NCDN: variants seen among roughly 807,000 people sequenced by gnomAD.
NCDN encodes the protein norbin.
In NCDN, 9 loss-of-function variants were observed where a neutral mutation model predicts 60.7. The observed-to-expected ratio is 0.15, with a 90% confidence interval of 0.09 to 0.26. The LOEUF (loss-of-function observed/expected upper bound fraction) is 0.26, where lower values mean the gene tolerates loss of function less well. NCDN is among the 10% of genes least tolerant of loss of function. NCDN has a pLI of 1.00. For synonymous variants in NCDN, 409 were observed against 442.5 expected, an observed-to-expected ratio of 0.92 and a Z score of 0.95; for missense variants, 578 against 975.2, an observed-to-expected ratio of 0.59 and a Z score of 5.42.
In NCDN at chr1:35,561,097, G is replaced by T; in HGVS notation, c.946G>T (p.Val316Leu). The stretch of plus-strand genomic sequence containing the variant: ...GGCCCTGCTGGTGAATCTGGCGTGC[G>T]TGGAAGTGCGGCTGGCACTGGAGGA... ...FLALLVNLAC[V>L]EVRLALEETG... Residue 316 changes from valine (V) to leucine (L), a missense_variant, in exon 3 of 7, where the codon GTG (valine) becomes TTG (leucine). Physicochemically the swap from Val to Leu is conservative, Grantham distance 32 (BLOSUM62 1). Around this residue, in one of 3 missense-constraint regions of NCDN, gnomAD observed 363 missense variants for 583.6 expected, o/e 0.62. Coordinates refer to ENST00000373243, the MANE Select transcript of NCDN (RefSeq NM_014284.3). The surrounding 1 kb of genome is among the most constrained non-coding windows in gnomAD (Gnocchi z 4.9). 6.2e-7 allele frequency: 1 copy of T among 1,613,884 alleles called. No individual in the cohort carries two copies. The highest frequency in any genetic ancestry group is 8.5e-7 in the Non-Finnish European group (1 of 1,179,968).
chr1:35,562,678 A>C lies in NCDN; in HGVS notation c.1385+45A>C. 1 of 1,574,532 alleles carries C rather than the reference A, an allele frequency of 6.4e-7. No homozygotes were observed. Among genetic ancestry groups the C allele is most frequent in the South Asian group, 1.2e-5 (1 of 85,064 alleles). ...CTGTCCAGCTAGATCATTCTACCGA[A>C]AAGCGTTAACACAAGGACACCCCTC... On this transcript the variant is annotated intron_variant, in intron 4 of 6. Transcript: ENST00000373243. This position sits in a 1 kb window ranked among gnomAD's most constrained non-coding sequence, Gnocchi z 6.8.
Position 35,558,251 on chromosome 1 carries a change from C to T in NCDN, c.33+28C>T, listed in dbSNP as rs559348812. On this transcript the variant is annotated intron_variant, in intron 1 of 6. Transcript: ENST00000373243. The surrounding 1 kb of genome is among the most constrained non-coding windows in gnomAD (Gnocchi z 6.3). Reference sequence around the variant, plus strand: ...GGTGACCGCCAGGAACCCTCCTCCCCTTCTCATCTCCCCATCTCAGCAGCC... The same window carrying T: ...GGTGACCGCCAGGAACCCTCCTCCCTTTCTCATCTCCCCATCTCAGCAGCC... 1.2e-6 allele frequency: 2 copies of T among 1,613,952 alleles called. No individual in the cohort carries two copies. Among genetic ancestry groups the T allele is most frequent in the Admixed American group, 1.7e-5 (1 of 60,018 alleles).
intron 1 of NCDN, 51 bp from the exon 2 acceptor site, chr1:35,559,056 A>ACCCCCCCCCCCCCC: frequency 3.2e-6 from 1 of 315,366 alleles, no homozygotes; most frequent in South Asian, 2.9e-5. Context: ...CCCCCACCCC[A>ACCCCCCCCCCCCCC]CCCCCGTCCC....
In NCDN at chr1:35,560,482, C is replaced by T. The variant is rs1648658790; in HGVS notation, c.331C>T (p.Leu111=). Residue 111 remains leucine, a synonymous_variant, in exon 3 of 7, where the codon CTG becomes TTG. Coordinates refer to ENST00000373243, the MANE Select transcript of NCDN (RefSeq NM_014284.3). This position sits in a 1 kb window ranked among gnomAD's most constrained non-coding sequence, Gnocchi z 7.6. ...TCTGCGGGCTTTGGGTGTGGCCCTG[C>T]TGGCCTGCTTCTGCAGTGACCCTGA... ...HVLRALGVAL[L]ACFCSDPELA... is the part of the protein sequence containing the mutation. 6.2e-7 allele frequency: 1 copy of T among 1,614,004 alleles called. No homozygotes were observed. Among genetic ancestry groups the T allele is most frequent in the Non-Finnish European group, 8.5e-7 (1 of 1,180,052 alleles).
At position 35,563,972 on chromosome 1, in the gene NCDN, T is replaced by G; in HGVS notation, c.1753+63T>G. ...GAAGACCTGGGTGGACCTCCTGTGT[T>G]TGGGGCAAAAGTCACCATTTTTAGA... On this transcript the variant is annotated intron_variant, in intron 6 of 6. Coordinates refer to ENST00000373243, the MANE Select transcript of NCDN (RefSeq NM_014284.3). The surrounding 1 kb of genome is among the most constrained non-coding windows in gnomAD (Gnocchi z 6.6). The G allele has an allele frequency of 6.5e-7, 1 of 1,530,688 alleles. No homozygotes were observed. Among genetic ancestry groups the G allele is most frequent in the South Asian group, 1.3e-5 (1 of 79,404 alleles). The allele number at this position is 1,530,688 out of a possible 1,614,324, so 94.8% of individuals were successfully genotyped here. A position where few individuals can be genotyped will look rare whatever the true frequency, so the allele number is the denominator to read the frequency against.
In NCDN at chr1:35,563,194, A is replaced by G; in HGVS notation, c.1386-8A>G. 6.2e-7 allele frequency: 1 copy of G among 1,609,454 alleles called. No individual in the cohort carries two copies. Among genetic ancestry groups the G allele is most frequent in the Non-Finnish European group, 8.5e-7 (1 of 1,176,682 alleles). On this transcript the variant is annotated splice_polypyrimidine_tract_variant and splice_region_variant and intron_variant, in intron 4 of 6. Coordinates refer to ENST00000373243, the MANE Select transcript of NCDN (RefSeq NM_014284.3). The surrounding 1 kb of genome is among the most constrained non-coding windows in gnomAD (Gnocchi z 6.6). ...TCCCACACACGTCTGTCCCTTCCAC[A>G]TCCCCAGGCTCCTCCTGCCTGGCTG...
In NCDN at chr1:35,565,731, A is replaced by G; in HGVS notation, c.*68A>G. The stretch of plus-strand genomic sequence containing the variant: ...AAGGAGGGAGGAGGCATCTTCCCTG[A>G]AGCCCCCAATCTGGCCCCCCCCTCC... On this transcript the variant is annotated 3_prime_UTR_variant, in exon 7 of 7. Transcript: ENST00000373243. This position sits in a 1 kb window ranked among gnomAD's most constrained non-coding sequence, Gnocchi z 8.9. The G allele has an allele frequency of 7.0e-7, 1 of 1,436,200 alleles. No individual in the cohort carries two copies. Among genetic ancestry groups the G allele is most frequent in the Non-Finnish European group, 9.2e-7 (1 of 1,082,550 alleles). 89.0% of individuals were successfully genotyped at this position (1,436,200 alleles called of 1,614,324 possible). A position where few individuals can be genotyped will look rare whatever the true frequency, so the allele number is the denominator to read the frequency against.
chr1:35,564,047 C>A (rs1055327892), intron 6 of NCDN, 138 bp downstream of exon 6: 2 of 1,053,454 alleles, frequency 1.9e-6, no homozygotes, highest in Non-Finnish European at 2.7e-6. Context: ...TGCAGTGTAT[C>A]TCCATCCCCT....
At position 35,560,651 on chromosome 1, in the gene NCDN, G is replaced by A. The variant is rs1408391245; in HGVS notation, c.500G>A (p.Arg167Lys). 4 of 1,613,422 alleles carry A rather than the reference G, an allele frequency of 2.5e-6. No individual in the cohort carries two copies. The highest frequency in any genetic ancestry group is 1.3e-5 in the African/African-American group (1 of 75,074). ...QCLTAVAGTP[R>K]GPRHLIAGGT... ...CTGACGGCTGTAGCAGGCACACCCA[G>A]AGGGCCTCGGCACCTCATTGCTGGT... Residue 167 changes from arginine (R) to lysine (K), a missense_variant, in exon 3 of 7, where the codon AGA becomes AAA. Coordinates refer to ENST00000373243, the MANE Select transcript of NCDN (RefSeq NM_014284.3). This position sits in a 1 kb window ranked among gnomAD's most constrained non-coding sequence, Gnocchi z 7.6.
rs188751865 is a variant in NCDN, at chr1:35,560,720, A to G, written c.569A>G (p.Tyr190Cys). Residue 190 changes from tyrosine to cysteine, a missense_variant, in exon 3 of 7, where the codon TAT (tyrosine) becomes TGT (cysteine). Transcript: ENST00000373243. This position sits in a 1 kb window ranked among gnomAD's most constrained non-coding sequence, Gnocchi z 7.6. ...ALCQAYLGHG[Y>C]GFDQALALLV... ...TGCCAGGCATACCTGGGGCACGGCT[A>G]TGGCTTTGACCAGGCCCTGGCACTC... is the stretch of plus-strand genomic sequence containing the variant. The G allele has an allele frequency of 1.2e-6, 2 of 1,612,438 alleles. No homozygotes were observed. Among genetic ancestry groups the G allele is most frequent in the Non-Finnish European group, 1.7e-6 (2 of 1,180,024 alleles).
In NCDN at chr1:35,562,297, T is replaced by G; in HGVS notation, c.1144-95T>G. On this transcript the variant is annotated intron_variant, in intron 3 of 6. Coordinates refer to ENST00000373243, the MANE Select transcript of NCDN (RefSeq NM_014284.3). This position sits in a 1 kb window ranked among gnomAD's most constrained non-coding sequence, Gnocchi z 6.8. The stretch of plus-strand genomic sequence containing the variant: ...TTTGAAAGGCTCACAGGCCAGAATT[T>G]CCTTCTAGTTGTATTATTTCTAGCT... 1 of 1,529,074 alleles carries G rather than the reference T, an allele frequency of 6.5e-7. No homozygotes were observed. Among genetic ancestry groups the G allele is most frequent in the Non-Finnish European group, 8.8e-7 (1 of 1,131,812 alleles). 94.7% of individuals were successfully genotyped at this position (1,529,074 alleles called of 1,614,324 possible).
chr1:35,560,399 C>T lies in NCDN; in HGVS notation c.248C>T (p.Thr83Ile). ...CGGATCTTCGATGCTGTCGGCTTCA[C>T]CTTCCCCAATCGTCTCCTGACCACC... ...RRRIFDAVGFTFPNRLLTTKE... is the reference protein window; with the variant it reads ...RRRIFDAVGFIFPNRLLTTKE... Residue 83 changes from threonine (T) to isoleucine (I), a missense_variant, in exon 3 of 7, where the codon ACC (threonine) becomes ATC (isoleucine). Thr to Ile is a moderately conservative substitution (Grantham distance 89). Coordinates refer to ENST00000373243, the MANE Select transcript of NCDN (RefSeq NM_014284.3). The surrounding 1 kb of genome is among the most constrained non-coding windows in gnomAD (Gnocchi z 7.6). 5.0e-6 allele frequency: 8 copies of T among 1,614,044 alleles called. No homozygotes were observed. Among genetic ancestry groups the T allele is most frequent in the Admixed American group, 1.7e-5 (1 of 60,032 alleles).
rs1284824344 is a variant in NCDN, at chr1:35,557,808, C to A, written c.-383C>A. On this transcript the variant is annotated 5_prime_UTR_variant, in exon 1 of 7. Coordinates refer to ENST00000373243, the MANE Select transcript of NCDN (RefSeq NM_014284.3). Reference sequence around the variant, plus strand: ...GCAGCCTGGAGCCAGGAGTGGGCAACGCGGCGTGAGCAGCGGCCCGAGGCT... The same window carrying A: ...GCAGCCTGGAGCCAGGAGTGGGCAAAGCGGCGTGAGCAGCGGCCCGAGGCT... 1.9e-6 allele frequency: 1 copy of A among 518,970 alleles called. No individual in the cohort carries two copies. Among genetic ancestry groups the A allele is most frequent in the Non-Finnish European group, 3.7e-6 (1 of 268,354 alleles). The allele number at this position is 518,970 out of a possible 1,614,324, so 32.1% of individuals were successfully genotyped here. A position where few individuals can be genotyped will look rare whatever the true frequency, so the allele number is the denominator to read the frequency against.
chr1:35,563,673 G>A lies in NCDN; in HGVS notation c.1611-94G>A. 6.7e-7 allele frequency: 1 copy of A among 1,486,732 alleles called. No homozygotes were observed. The highest frequency in any genetic ancestry group is 2.3e-5 in the East Asian group (1 of 43,978). 92.1% of individuals were successfully genotyped at this position (1,486,732 alleles called of 1,614,324 possible). On this transcript the variant is annotated intron_variant, in intron 5 of 6. Transcript: ENST00000373243. This position sits in a 1 kb window ranked among gnomAD's most constrained non-coding sequence, Gnocchi z 6.6. The stretch of plus-strand genomic sequence containing the variant: ...CCAGATGCTATGTTTGGGGCCCAAA[G>A]TTAATCACCCTACTGCCTAATTTCT...
Position 35,560,694 on chromosome 1 carries a change from A to C in NCDN, c.543A>C (p.Leu181=), listed in dbSNP as rs145548734. The stretch of plus-strand genomic sequence containing the variant: ...TTGCTGGTGGCACCGTGTCTGCCCT[A>C]TGCCAGGCATACCTGGGGCACGGCT... The part of the protein sequence containing the change: ...HLIAGGTVSA[L]CQAYLGHGYG... Residue 181 remains leucine (L), a synonymous_variant, in exon 3 of 7, where the codon CTA becomes CTC. Transcript: ENST00000373243. The surrounding 1 kb of genome is among the most constrained non-coding windows in gnomAD (Gnocchi z 7.6). The C allele has an allele frequency of 6.8e-6, 11 of 1,612,712 alleles. No homozygotes were observed. In the African/African-American group the frequency reaches 1.1e-4, roughly 16 times the overall value.
In NCDN at chr1:35,558,039, A is replaced by G; in HGVS notation, c.-152A>G. The G allele has an allele frequency of 8.6e-7, 1 of 1,157,876 alleles. No individual in the cohort carries two copies. Among genetic ancestry groups the G allele is most frequent in the Non-Finnish European group, 1.2e-6 (1 of 819,076 alleles). The allele number at this position is 1,157,876 out of a possible 1,614,324, so 71.7% of individuals were successfully genotyped here. On this transcript the variant is annotated 5_prime_UTR_variant, in exon 1 of 7. Transcript: ENST00000373243. This position sits in a 1 kb window ranked among gnomAD's most constrained non-coding sequence, Gnocchi z 6.3. Reference sequence around the variant, plus strand: ...CCCTGTCGAGACTCCATTTTGTCACAGCCCTTTTCAATATATATCTTTTTT... The same window carrying G: ...CCCTGTCGAGACTCCATTTTGTCACGGCCCTTTTCAATATATATCTTTTTT...
In NCDN at chr1:35,560,371, C is replaced by T. The variant is rs372061474; in HGVS notation, c.220C>T (p.Arg74Trp). The change falls in exon 3 of 7, where the codon CGG becomes TGG. Residue 74 changes from arginine to tryptophan, a missense_variant. Arg to Trp is a moderately radical substitution (Grantham distance 101). Transcript: ENST00000373243. This position sits in a 1 kb window ranked among gnomAD's most constrained non-coding sequence, Gnocchi z 7.6. ...KAGDIDAKTR[R>W]RIFDAVGFTF... is the part of the protein sequence containing the mutation. Reference sequence around the variant, plus strand: ...AGGTGACATAGATGCCAAAACTCGGCGGCGGATCTTCGATGCTGTCGGCTT... The same window carrying T: ...AGGTGACATAGATGCCAAAACTCGGTGGCGGATCTTCGATGCTGTCGGCTT... The T allele has an allele frequency of 6.2e-6, 10 of 1,613,798 alleles. No individual in the cohort carries two copies. Among genetic ancestry groups the T allele is most frequent in the East Asian group, 2.2e-5 (1 of 44,890 alleles).
Position 35,559,110 on chromosome 1 carries a change from G to C in NCDN, c.37G>C (p.Gly13Arg). The change falls in exon 2 of 7, where the codon GGC becomes CGC. Residue 13 changes from glycine (G) to arginine (R), a missense_variant. By Grantham distance (125) the Gly-to-Arg change is moderately radical. Coordinates refer to ENST00000373243, the MANE Select transcript of NCDN (RefSeq NM_014284.3). Reference protein sequence around the residue: ...CCDLAAAGQLGKASIMASDCE... With the variant: ...CCDLAAAGQLRKASIMASDCE... ...TCAGTCCCTCTTGTGTTCACAGTTG[G>C]GCAAGGCGAGCATCATGGCCTCGGA... is the stretch of plus-strand genomic sequence containing the variant. 6.2e-7 allele frequency: 1 copy of C among 1,612,432 alleles called. No individual in the cohort carries two copies.
Position 35,562,248 on chromosome 1 carries a change from A to T in NCDN, c.1144-144A>T, listed in dbSNP as rs1053844627. On this transcript the variant is annotated intron_variant, in intron 3 of 6. Transcript: ENST00000373243. The surrounding 1 kb of genome is among the most constrained non-coding windows in gnomAD (Gnocchi z 6.8). Reference sequence around the variant, plus strand: ...ACATGCTAGGTGCTGGGTTCATGGGACAGAATAAAGGTTGGGGCCTGCCTT... The same window carrying T: ...ACATGCTAGGTGCTGGGTTCATGGGTCAGAATAAAGGTTGGGGCCTGCCTT... 3.3e-6 allele frequency: 4 copies of T among 1,212,776 alleles called. No homozygotes were observed. Among genetic ancestry groups the T allele is most frequent in the Middle Eastern group, 2.9e-4 (1 of 3,432 alleles). 75.1% of individuals were successfully genotyped at this position (1,212,776 alleles called of 1,614,324 possible).
Sources: gnomAD v4.1 joint callset for allele counts on GRCh38, gnomAD v4.1.1 for gene constraint, gnomAD v4.1.1 regional missense constraint, Gnocchi (gnomAD v3.1) non-coding constraint, MANE v1.5 for transcripts, NCBI Gene and HGNC (gene_info 2026-07-23, HGNC 2026-07-21) for gene names.